BAZ2B: variants seen among roughly 807,000 people sequenced by gnomAD.
The protein encoded by BAZ2B is bromodomain adjacent to zinc finger domain 2B.
Under a neutral mutation model 246.0 loss-of-function variants are expected in BAZ2B, and 91 were observed. The ratio of observed to expected loss-of-function variants is 0.37; its 90% CI spans 0.31 to 0.44. The LOEUF (loss-of-function observed/expected upper bound fraction) is 0.44, where lower values mean the gene tolerates loss of function less well. Among genes scored for constraint, BAZ2B ranks in the 20% least tolerant of loss-of-function variants. BAZ2B has a pLI of 1.00. For synonymous variants in BAZ2B, 855 were observed against 860.0 expected, an observed-to-expected ratio of 0.99 and a Z score of 0.10; for missense variants, 2,332 against 2,533.7, an observed-to-expected ratio of 0.92 and a Z score of 1.71.
chr2:159,644,687 A>C, the BAZ2B span, among the ~76,000 whole-genome samples: 1 of 152,074 alleles, frequency 6.6e-6, no homozygotes, highest in Non-Finnish European at 1.5e-5. Context: ...CTCAGTTCAA[A>C]CTGGCAGTGT....
chr2:159,349,769 G>A lies in BAZ2B; in HGVS notation c.4802C>T (p.Pro1601Leu). The A allele has an allele frequency of 6.2e-7, 1 of 1,614,126 alleles. No homozygotes were observed. ...PSKSPSPTPA[P>L]LGSSAQNPVG... ...AGGATTCTGAGCAGAAGATCCAAGA[G>A]GAGCTGGGGTAGGTGAAGGTGACTT... The change falls in exon 28 of 37, where the codon CCT becomes CTT. Residue 1601 changes from proline to leucine, a missense_variant. Pro to Leu is a moderately conservative substitution (Grantham distance 98). This residue lies in a region of BAZ2B where 676 missense variants were observed against 668.6 expected (regional missense o/e 1.01). Transcript: ENST00000392783.
the BAZ2B span, among the ~76,000 whole-genome samples, chr2:159,655,908 A>G: frequency 2.0e-5 from 3 of 152,122 alleles, no homozygotes; most frequent in Admixed American, 6.6e-5. Context: ...AATTTTCAAC[A>G]TATTTTTAAT....
chr2:159,339,576 G>C (rs2066275723), intron 31 of BAZ2B, among the ~76,000 whole-genome samples: 2 of 152,026 alleles, frequency 1.3e-5, no homozygotes, highest in South Asian at 4.1e-4. Flanking sequence ...GGTATACATA[G>C]AAAAGAAAGA....
intron 2 of BAZ2B, among the ~76,000 whole-genome samples, chr2:159,537,538 T>A (rs1396510746): frequency 6.6e-6 from 1 of 152,382 alleles, no homozygotes; most frequent in South Asian, 2.1e-4. Flanking sequence ...ATAGTTTTTA[T>A]ATGTAGAGCT....
chr2:159,318,964 A>C (rs565144911), downstream of BAZ2B: 14 of 152,644 alleles, frequency 9.2e-5, no homozygotes, highest in Non-Finnish European at 1.9e-4. Flanking sequence ...AGGTACATTA[A>C]GAAAAACTAA....
the BAZ2B span, among the ~76,000 whole-genome samples, chr2:159,705,195 AT>A: frequency 6.6e-6 from 1 of 151,232 alleles, no homozygotes; most frequent in Non-Finnish European, 1.5e-5. Context: ...TAATTTTTGT[AT>A]TTTTTTGTAG....
chr2:159,438,190 GAAAGTATAAA>G, intron 8 of BAZ2B, 103 bp downstream of exon 8: 1 of 988,146 alleles, frequency 1.0e-6, no homozygotes, highest in East Asian at 2.6e-5. Context: ...TGGAGACTAA[GAAAGTATAAA>G]AATGAAGGTA....
chr2:159,558,333 C>T (rs868813800), intron 1 of BAZ2B, among the ~76,000 whole-genome samples: 17 of 152,042 alleles, frequency 1.1e-4, no homozygotes, highest in African/African-American at 2.9e-4. Context: ...CTCAGCTCAC[C>T]GCAACCTCCA....
intron 2 of BAZ2B, among the ~76,000 whole-genome samples, chr2:159,482,346 T>C (rs2079338733): frequency 6.6e-6 from 1 of 152,120 alleles, no homozygotes; most frequent in African/African-American, 2.4e-5. Context: ...ATGTAATTTC[T>C]CTCAGTTCTC....
chr2:159,324,613 A>C (rs2063176195), intron 36 of BAZ2B, among the ~76,000 whole-genome samples, 198 bp downstream of exon 36: 2 of 138,784 alleles, frequency 1.4e-5, no homozygotes, highest in African/African-American at 2.7e-5. Flanking sequence ...ATACTATTCT[A>C]CTCTAACCAA....
chr2:159,601,756 T>G (rs1692214773), intron 1 of BAZ2B, among the ~76,000 whole-genome samples: 1 of 152,040 alleles, frequency 6.6e-6, no homozygotes, highest in Non-Finnish European at 1.5e-5. Context: ...GATGCATGCT[T>G]GCTTAACATG....
the BAZ2B span, among the ~76,000 whole-genome samples, chr2:159,685,426 C>T: frequency 6.6e-6 from 1 of 152,054 alleles, no homozygotes; most frequent in Non-Finnish European, 1.5e-5. Flanking sequence ...TAATTTTACA[C>T]TTAAAGAAAA....
At position 159,446,867 on chromosome 2, in the gene BAZ2B, C is replaced by T; in HGVS notation, c.611G>A (p.Ser204Asn). ...SSSMGQTKSTSSGGGNRKCNQ... is the reference protein window; with the variant it reads ...SSSMGQTKSTNSGGGNRKCNQ... ...ACATTTTCGATTTCCTCCACCTGAG[C>T]TTGTACTTTTAGTTTGTCCCATGGA... is the stretch of plus-strand genomic sequence containing the variant. The change falls in exon 6 of 37, where the codon AGC becomes AAC. Residue 204 changes from serine to asparagine, a missense_variant. Ser to Asn is a conservative substitution (Grantham distance 46). Coordinates refer to ENST00000392783, the MANE Select transcript of BAZ2B (RefSeq NM_013450.4). 1 of 1,613,736 alleles carries T rather than the reference C, an allele frequency of 6.2e-7. No individual in the cohort carries two copies. Among genetic ancestry groups the T allele is most frequent in the Non-Finnish European group, 8.5e-7 (1 of 1,179,802 alleles).
At chr2:159,599,470 T>C (rs1175567331) in intron 1 of BAZ2B, among the ~76,000 whole-genome samples, 1 of 151,556 alleles carries the variant, frequency 6.6e-6, no homozygotes, top group African/African-American at 2.4e-5. Flanking sequence ...AAGACAAATT[T>C]AGCCAGGTGT....
At chr2:159,473,094 G>A (rs2078027468) in intron 3 of BAZ2B, among the ~76,000 whole-genome samples, 1 of 152,042 alleles carries the variant, frequency 6.6e-6, no homozygotes, top group Admixed American at 6.5e-5. Flanking sequence ...GGTAGAATTC[G>A]GCTGTGAATC....
At chr2:159,694,932 T>C in the BAZ2B span, 1 of 152,214 alleles carries the variant, frequency 6.6e-6, no homozygotes, top group Non-Finnish European at 1.5e-5. Context: ...TTTACATTCC[T>C]AACAGCAATA....
chr2:159,462,769 C>G, intron 3 of BAZ2B: 5 of 1,418,884 alleles, frequency 3.5e-6, no homozygotes, highest in Non-Finnish European at 5.0e-6. Flanking sequence ...TAGGCTGACA[C>G]TCATGGCTTT....
chr2:159,429,386 T>C (rs1576930796), intron 10 of BAZ2B, 126 bp from the exon 11 acceptor site: 3 of 530,042 alleles, frequency 5.7e-6, no homozygotes, highest in East Asian at 6.5e-5. Context: ...TTCTGTAATT[T>C]ATACATTATT....
At position 159,437,736 on chromosome 2, in the gene BAZ2B, G is replaced by A. The variant is rs1246128284; in HGVS notation, c.1293+567C>T. 3.3e-5 allele frequency: 5 copies of A among 152,408 alleles called. No individual in the cohort carries two copies. In the East Asian group the frequency reaches 9.6e-4, roughly 29 times the overall value. The allele number at this position is 152,408 out of a possible 1,614,324, so 9.4% of individuals were successfully genotyped here. The stretch of plus-strand genomic sequence containing the variant: ...ATTTGAGACCAGTCTGGCCAACATG[G>A]TGAAACCCCATCTTTACTAAATATA... On this transcript the variant is annotated intron_variant, in intron 8 of 36. Transcript: ENST00000392783.
Sources: allele counts gnomAD v4.1 joint callset (sites outside exome capture counted in the v4.1 genomes callset), GRCh38; gene constraint gnomAD v4.1.1; regional missense constraint gnomAD v4.1.1; transcripts MANE v1.5; gene names NCBI Gene and HGNC (gene_info 2026-07-23, HGNC 2026-07-21).